Variants in SH3KBP1 observed in about 807,000 individuals in gnomAD.
SH3KBP1 encodes the protein SH3 domain containing kinase binding protein 1.
In SH3KBP1, 8 loss-of-function variants were observed where a neutral mutation model predicts 50.1. The observed-to-expected ratio is 0.16, with a 90% confidence interval of 0.09 to 0.29. The LOEUF is 0.29. Among genes scored for constraint, SH3KBP1 ranks in the 10% least tolerant of loss-of-function variants. The pLI is 1.00. For synonymous variants in SH3KBP1, 227 were observed against 218.6 expected (o/e 1.04, Z -0.34); for missense variants, 377 against 535.2 (o/e 0.70, Z 2.92).
rs535072795 is a variant in SH3KBP1, at chrX:19,873,956, G to A, written c.4+13351C>T. ...CCCAGCTACTCGGGAGGCTGAGGCG[G>A]GGGGATCCCTTGAACTGGGGAGGTA... On this transcript the variant is annotated intron_variant, in intron 1 of 17. Transcript: ENST00000397821. 1.7e-4 allele frequency among the ~76,000 whole-genome samples: 17 copies of A among 102,234 alleles called. No individual in the cohort carries two copies. The South Asian group carries it at 7.6e-3, about 46-fold the overall frequency. 88.8% of individuals were successfully genotyped at this position (102,234 alleles called of 115,157 possible).
At chrX:19,840,512 G>A (rs1029736422) in intron 1 of SH3KBP1, among the ~76,000 whole-genome samples, 5 of 112,208 alleles carry the variant, frequency 4.5e-5, no homozygotes, top group African/African-American at 9.7e-5. Flanking sequence ...CTTGTATCAC[G>A]TCTCTATAGA....
intron 3 of SH3KBP1, among the ~76,000 whole-genome samples, chrX:19,737,935 C>A (rs1472703614): frequency 8.9e-6 from 1 of 112,238 alleles, no homozygotes; most frequent in East Asian, 2.8e-4. Flanking sequence ...TTTTTGACAG[C>A]GCAGGCTTAA....
At chrX:19,799,653 G>A in intron 2 of SH3KBP1, 1 of 1,209,710 alleles carries the variant, frequency 8.3e-7, no homozygotes, top group Non-Finnish European at 1.1e-6. Context: ...CAAGTCTGCG[G>A]CACTTGGGGC....
At chrX:19,656,613 TTTAGAGAG>T (rs2062284266) in intron 6 of SH3KBP1, among the ~76,000 whole-genome samples, 1 of 111,606 alleles carries the variant, frequency 9.0e-6, no homozygotes, top group South Asian at 3.8e-4. Flanking sequence ...CAGACTCCGA[TTTAGAGAG>T]TTAGAGAGTC....
chrX:19,827,879 T>C (rs2067733526), intron 2 of SH3KBP1, among the ~76,000 whole-genome samples: 1 of 83,613 alleles, frequency 1.2e-5, no homozygotes, highest in Admixed American at 1.2e-4. Flanking sequence ...TGTCATGGTC[T>C]GTTAAACAAA....
chrX:19,776,345 C>G (rs2065971480), intron 2 of SH3KBP1, among the ~76,000 whole-genome samples: 2 of 109,592 alleles, frequency 1.8e-5, no homozygotes, highest in South Asian at 7.8e-4. Context: ...GAGGGAAAGA[C>G]TGCCTCACAG....
intron 1 of SH3KBP1, among the ~76,000 whole-genome samples, chrX:19,874,105 C>T (rs1032142498): frequency 1.1e-5 from 1 of 88,188 alleles, no homozygotes; most frequent in African/African-American, 4.8e-5. Context: ...AAAAGAAGTA[C>T]ACTAAAATAA....
intron 13 of SH3KBP1, among the ~76,000 whole-genome samples, chrX:19,553,602 G>A (rs2065305684): frequency 9.2e-6 from 1 of 108,238 alleles, no homozygotes; most frequent in Non-Finnish European, 1.9e-5. Context: ...CTAGCGGGAT[G>A]TGAGTAGCTT....
intron 10 of SH3KBP1, 21 bp from the exon 11 acceptor site, chrX:19,592,168 G>A: frequency 2.7e-6 from 3 of 1,122,082 alleles, no homozygotes; most frequent in Non-Finnish European, 3.7e-6. Context: ...AAGGGTAATA[G>A]TGATCACAAA....
At chrX:19,806,237 C>A (rs994640154) in intron 2 of SH3KBP1, among the ~76,000 whole-genome samples, 4 of 111,621 alleles carry the variant, frequency 3.6e-5, no homozygotes, top group Non-Finnish European at 7.5e-5. Flanking sequence ...GTAGACTGGG[C>A]CAGGCACAGT....
At chrX:19,688,327 A>T (rs187353276) in intron 5 of SH3KBP1, among the ~76,000 whole-genome samples, 1 of 111,705 alleles carries the variant, frequency 9.0e-6, no homozygotes, top group East Asian at 2.8e-4. Context: ...CCACATAAAC[A>T]TACGGGGTTT....
At chrX:19,585,388 G>A (rs1339132862) in intron 12 of SH3KBP1, among the ~76,000 whole-genome samples, 1 of 111,954 alleles carries the variant, frequency 8.9e-6, no homozygotes, top group Non-Finnish European at 1.9e-5. Context: ...GGCATGTGGA[G>A]ATGACAAAAC....
At chrX:19,645,171 G>A (rs1271337646) in intron 7 of SH3KBP1, among the ~76,000 whole-genome samples, 4 of 111,964 alleles carry the variant, frequency 3.6e-5, no homozygotes, top group Non-Finnish European at 7.5e-5. Context: ...TATAGCAGGA[G>A]AGAACCACGT....
chrX:19,825,602 G>A (rs1030639505), intron 2 of SH3KBP1, among the ~76,000 whole-genome samples: 2 of 111,190 alleles, frequency 1.8e-5, no homozygotes, highest in Admixed American at 9.6e-5. Flanking sequence ...GGCTGGGCAC[G>A]GTGGTTCATG....
intron 2 of SH3KBP1, among the ~76,000 whole-genome samples, chrX:19,748,089 T>G (rs948248864): frequency 8.9e-6 from 1 of 112,223 alleles, no homozygotes; most frequent in African/African-American, 3.2e-5. Context: ...GCTCATTTCC[T>G]CACCGGTTGC....
rs1044814352 is a variant in SH3KBP1, at chrX:19,673,911, T to G, written c.726+9912A>C. Among the ~76,000 whole-genome samples, 9 of 111,835 alleles carry G rather than the reference T, an allele frequency of 8.0e-5. No homozygotes were observed. In the East Asian group the frequency reaches 2.5e-3, roughly 31 times the overall value. Reference sequence around the variant, plus strand: ...TCAACATACTCATGCTCACTCCTTGTCCACATGCACACTGCTAGTACCATG... The same window carrying G: ...TCAACATACTCATGCTCACTCCTTGGCCACATGCACACTGCTAGTACCATG... On this transcript the variant is annotated intron_variant, in intron 6 of 17. Transcript: ENST00000397821.
At chrX:19,756,787 T>C (rs2065221038) in intron 2 of SH3KBP1, among the ~76,000 whole-genome samples, 1 of 106,938 alleles carries the variant, frequency 9.4e-6, no homozygotes, top group Admixed American at 1.0e-4. Context: ...TGAATGGCCA[T>C]AAATCAATCC....
At chrX:19,560,939 T>G (rs2065654472) in intron 13 of SH3KBP1, among the ~76,000 whole-genome samples, 1 of 108,529 alleles carries the variant, frequency 9.2e-6, no homozygotes, top group Admixed American at 9.9e-5. Flanking sequence ...CTGGGCATGG[T>G]GGTGCACACC....
chrX:19,762,200 G>A (rs1265746822), intron 2 of SH3KBP1, among the ~76,000 whole-genome samples: 5 of 112,713 alleles, frequency 4.4e-5, no homozygotes, highest in South Asian at 7.3e-4. Context: ...TTTAGTTTAC[G>A]GTTTGACTGT....
Sources: allele counts gnomAD v4.1 joint callset (sites outside exome capture counted in the v4.1 genomes callset), GRCh38; gene constraint gnomAD v4.1.1; transcripts MANE v1.5; gene names NCBI Gene and HGNC (gene_info 2026-07-23, HGNC 2026-07-21).